Variants in FMR1 observed in about 807,000 individuals in gnomAD.
FMR1 encodes FMRP translational regulator 1.
A neutral mutation model predicts 50.6 loss-of-function variants in FMR1; 13 were observed. The observed-to-expected ratio is 0.26, with a 90% confidence interval of 0.17 to 0.41. The LOEUF is 0.41. Ranked by LOEUF, FMR1 falls within the 10% of genes least tolerant of loss-of-function variation. The pLI is 1.00. For missense variants in FMR1, 316 were observed against 491.3 expected (o/e 0.64, Z 3.37); for synonymous variants, 138 against 164.1 (o/e 0.84, Z 1.22).
intron 3 of FMR1, among the ~76,000 whole-genome samples, chrX:147,927,397 A>G (rs1475688659): frequency 8.9e-6 from 1 of 111,830 alleles, no homozygotes; most frequent in Non-Finnish European, 1.9e-5. Context: ...CAAGAGGGAA[A>G]GGTATGTTAA....
chrX:147,916,710 G>A (rs782552655), intron 1 of FMR1, among the ~76,000 whole-genome samples: 1 of 105,905 alleles, frequency 9.4e-6, no homozygotes, highest in African/African-American at 3.5e-5. Flanking sequence ...TTGTTTCTTT[G>A]GTTTGTTTCT....
At chrX:147,938,923 A>G (rs142399840) in intron 12 of FMR1, among the ~76,000 whole-genome samples, 1,122 of 111,444 alleles carry the variant, frequency 0.01, 8 homozygotes, top group African/African-American at 0.034. Context: ...ATTCAGGTCT[A>G]CTCGTGAAGT....
chrX:147,912,263 C>T, intron 1 of FMR1, 33 bp downstream of exon 1: 1 of 1,135,720 alleles, frequency 8.8e-7, no homozygotes, highest in Non-Finnish European at 1.2e-6. Context: ...CCATCTTCGC[C>T]CTTCCTTCCC....
chrX:147,935,321 A>G (rs1557179487), intron 9 of FMR1, among the ~76,000 whole-genome samples: 1 of 112,233 alleles, frequency 8.9e-6, no homozygotes, highest in Non-Finnish European at 1.9e-5. Context: ...CACAGCAAGA[A>G]TGTCAAAGCT....
intron 15 of FMR1, 105 bp from the exon 16 acceptor site, chrX:147,945,428 AT>A: frequency 1.6e-6 from 1 of 620,218 alleles, no homozygotes. Context: ...TATTGATTAC[AT>A]TTCAGATTCT....
Position 147,926,675 on chromosome X carries a change from A to G in FMR1, c.198+1042A>G, listed in dbSNP as rs1306789275. On this transcript the variant is annotated intron_variant, in intron 3 of 16. Transcript: ENST00000370475. ...GATAATTTTTATATTTTTAGTAGAG[A>G]CGGGGTTTCACCATGTTGGTCAGGC... Among the ~76,000 whole-genome samples the G allele has an allele frequency of 2.7e-5, 3 of 110,020 alleles. No homozygotes were observed. The East Asian group carries it at 8.5e-4, about 31-fold the overall frequency.
chrX:147,938,034 T>C (rs2043851424), intron 11 of FMR1, 65 bp from the exon 12 acceptor site: 1 of 890,104 alleles, frequency 1.1e-6, no homozygotes, highest in South Asian at 2.0e-5. Flanking sequence ...AAGTCCTGCG[T>C]TCAGGCTTCT....
chrX:147,942,607 A>G (rs1200450055), intron 13 of FMR1, among the ~76,000 whole-genome samples: 1 of 112,404 alleles, frequency 8.9e-6, no homozygotes, highest in Non-Finnish European at 1.9e-5. Context: ...TTCCTTAACC[A>G]TAGTATATGT....
chrX:147,934,057 A>G (rs1303128004), intron 9 of FMR1, among the ~76,000 whole-genome samples: 3 of 112,514 alleles, frequency 2.7e-5, no homozygotes, highest in Non-Finnish European at 5.6e-5. Context: ...GCATAGCGCA[A>G]GATAAAGTGC....
At chrX:147,939,911 A>C (rs2043924608) in intron 12 of FMR1, among the ~76,000 whole-genome samples, 1 of 106,225 alleles carries the variant, frequency 9.4e-6, no homozygotes, top group Non-Finnish European at 1.9e-5. Context: ...TCAAAAAAAA[A>C]AAAAAAAAAA....
chrX:147,928,413 A>T lies in FMR1; in HGVS notation c.270+20A>T. On this transcript the variant is annotated intron_variant, in intron 4 of 16. Transcript: ENST00000370475. The stretch of plus-strand genomic sequence containing the variant: ...GGTGAGGTAGGAAAATGCCTATTTA[A>T]ATTTTTTTCTTATATTGTTTCCTTT... The T allele has an allele frequency of 8.7e-7, 1 of 1,151,137 alleles. No individual in the cohort carries two copies. Among genetic ancestry groups the T allele is most frequent in the South Asian group, 1.8e-5 (1 of 55,187 alleles). The allele number at this position is 1,151,137 out of a possible 1,213,427, so 94.9% of individuals were successfully genotyped here.
At chrX:147,912,958 G>A in intron 1 of FMR1, 1 of 279,770 alleles carries the variant, frequency 3.6e-6, no homozygotes, top group Non-Finnish European at 6.3e-6. Flanking sequence ...TTTGTTAAAC[G>A]GGGTAAATTC....
chrX:147,928,056 G>C, intron 3 of FMR1: 1 of 292,927 alleles, frequency 3.4e-6, no homozygotes, highest in Non-Finnish European at 5.9e-6. Flanking sequence ...TATTTTCAGA[G>C]CACTAATTAT....
Position 147,936,714 on chromosome X carries a change from A to G in FMR1, c.990+101A>G, listed in dbSNP as rs2043801166. On this transcript the variant is annotated intron_variant, in intron 10 of 16. Coordinates refer to ENST00000370475, the MANE Select transcript of FMR1 (RefSeq NM_002024.6). ...TAATATGTGCATAAAGTGAATGCAA[A>G]TATTCTGATTATCAAGCATGCCTGC... 5.6e-6 allele frequency: 3 copies of G among 531,898 alleles called. No individual in the cohort carries two copies. In the East Asian group the frequency reaches 1.1e-4, roughly 19 times the overall value. 43.8% of individuals were successfully genotyped at this position (531,898 alleles called of 1,213,427 possible). A position where few individuals can be genotyped will look rare whatever the true frequency, so the allele number is the denominator to read the frequency against.
At chrX:147,935,253 T>G (rs1428380312) in intron 9 of FMR1, among the ~76,000 whole-genome samples, 1 of 111,807 alleles carries the variant, frequency 8.9e-6, no homozygotes, top group Admixed American at 9.5e-5. Flanking sequence ...GATTTAATGG[T>G]GTCAGATCTG....
rs2044298040 is a variant in FMR1 at position 147,950,813 on chromosome X, T to C, written c.*1969T>C. The C allele has an allele frequency of 3.3e-6, 1 of 306,723 alleles. No individual in the cohort carries two copies. The highest frequency in any genetic ancestry group is 3.7e-5 in the Admixed American group (1 of 27,087). The allele number at this position is 306,723 out of a possible 1,213,427, so 25.3% of individuals were successfully genotyped here. A position where few individuals can be genotyped will look rare whatever the true frequency, so the allele number is the denominator to read the frequency against. ...GAACTTGTTTAATAAAGCGAAAAAC[T>C]CAACCAAATGGTACAAAACCACAGT... On this transcript the variant is annotated 3_prime_UTR_variant, in exon 17 of 17. Transcript: ENST00000370475.
At position 147,949,427 on chromosome X, in the gene FMR1, T is replaced by C. The variant is rs1557182937; in HGVS notation, c.*583T>C. 2 of 329,765 alleles carry C rather than the reference T, an allele frequency of 6.1e-6. No homozygotes were observed. Among genetic ancestry groups the C allele is most frequent in the Admixed American group, 6.2e-5 (2 of 32,236 alleles). The allele number at this position is 329,765 out of a possible 1,213,427, so 27.2% of individuals were successfully genotyped here. A position where few individuals can be genotyped will look rare whatever the true frequency, so the allele number is the denominator to read the frequency against. ...TCTTGGCAGGTAGGAATATTATATT[T>C]GGATGCAGAGTTCAGGGAAGATAAG... On this transcript the variant is annotated 3_prime_UTR_variant, in exon 17 of 17. Coordinates refer to ENST00000370475, the MANE Select transcript of FMR1 (RefSeq NM_002024.6).
intron 1 of FMR1, among the ~76,000 whole-genome samples, chrX:147,914,740 C>T (rs1189045553): frequency 9.0e-6 from 1 of 111,574 alleles, no homozygotes; most frequent in Non-Finnish European, 1.9e-5. Flanking sequence ...TTTATAGTGC[C>T]CTGCAGGTGT....
chrX:147,941,376 G>T (rs1172986174), intron 13 of FMR1, among the ~76,000 whole-genome samples: 1 of 112,254 alleles, frequency 8.9e-6, no homozygotes, highest in Non-Finnish European at 1.9e-5. Flanking sequence ...TAATGAAATG[G>T]AAACTGATCT....
Sources: gnomAD v4.1 joint callset for allele counts (sites outside exome capture counted in the v4.1 genomes callset) on GRCh38, gnomAD v4.1.1 for gene constraint, MANE v1.5 for transcripts, NCBI Gene and HGNC (gene_info 2026-07-23, HGNC 2026-07-21) for gene names.